Variants in RTN2 observed in about 807,000 individuals in gnomAD.
The protein encoded by RTN2 is reticulon-2.
Under a neutral mutation model 63.7 loss-of-function variants are expected in RTN2, and 36 were observed. That is an observed-to-expected ratio of 0.56 (90% CI 0.43 to 0.75). The LOEUF is 0.75. RTN2 is among the 30% of genes least tolerant of loss of function. The pLI is 0.00. For synonymous variants in RTN2, 312 were observed against 313.0 expected, an observed-to-expected ratio of 1.00 and a Z score of 0.03; for missense variants, 673 against 705.1, an observed-to-expected ratio of 0.95 and a Z score of 0.52.
Position 45,494,277 on chromosome 19 carries a change from A to C in RTN2, c.703T>G (p.Leu235Val), listed in dbSNP as rs1968222747. The change falls in exon 4 of 11, where the codon TTG becomes GTG. Residue 235 changes from leucine to valine, a missense_variant. Transcript: ENST00000245923. The surrounding 1 kb of genome is among the most constrained non-coding windows in gnomAD (Gnocchi z 5.3). Reference protein sequence around the residue: ...RDSNSGPEEPLLEEEEKQWGP... With the variant: ...RDSNSGPEEPVLEEEEKQWGP... ...CACTGCTTTTCTTCCTCTTCCAGCA[A>C]TGGCTCTTCGGGCCCAGAGTTCGAA... is the stretch of plus-strand genomic sequence containing the variant. 6.2e-7 allele frequency: 1 copy of C among 1,613,704 alleles called. No homozygotes were observed. Among genetic ancestry groups the C allele is most frequent in the African/African-American group, 1.3e-5 (1 of 74,842 alleles).
chr19:45,496,761 C>G (rs1968280924), intron 1 of RTN2, 31 bp downstream of exon 1: 2 of 1,466,328 alleles, frequency 1.4e-6, no homozygotes, highest in Non-Finnish European at 1.8e-6. Context: ...CCTCTGGGGC[C>G]CACACCAGGC....
At chr19:45,496,563 C>A (rs1968274555) in intron 1 of RTN2, 2 of 370,588 alleles carry the variant, frequency 5.4e-6, no homozygotes, top group Non-Finnish European at 9.6e-6. Flanking sequence ...CAGCGCGCCC[C>A]CCGCCTGCTG....
chr19:45,486,015 C>G (rs773726564), intron 10 of RTN2, 40 bp downstream of exon 10: 2 of 1,597,236 alleles, frequency 1.3e-6, no homozygotes, highest in South Asian at 1.1e-5. Context: ...CCAAGCTCCC[C>G]CACTTCCCCC....
Position 45,489,540 on chromosome 19 carries a change from C to G in RTN2, c.1047G>C (p.Leu349=). Residue 349 remains leucine, a synonymous_variant, in exon 6 of 11, where the codon CTG becomes CTC. Coordinates refer to ENST00000245923, the MANE Select transcript of RTN2 (RefSeq NM_005619.5). ...ADMGSKVADL[L]YWKDTRTSGV... ...CTGACGTCCTCGTGTCCTTCCAGTA[C>G]AGCAGGTCCGCCACTGTGGAGGGGT... The G allele has an allele frequency of 1.2e-6, 2 of 1,600,710 alleles. No individual in the cohort carries two copies. The highest frequency in any genetic ancestry group is 1.1e-5 in the South Asian group (1 of 88,616).
At chr19:45,493,068 A>G (rs1195789140) in intron 5 of RTN2, 92 bp downstream of exon 5, 9 of 1,249,580 alleles carry the variant, frequency 7.2e-6, no homozygotes, top group African/African-American at 1.5e-5. Context: ...CAGATCAGTA[A>G]TAAAAATGCT....
intron 9 of RTN2, among the ~76,000 whole-genome samples, chr19:45,486,728 C>CT (rs1968029646): frequency 2.6e-5 from 3 of 115,362 alleles, no homozygotes; most frequent in South Asian, 3.0e-4. Flanking sequence ...TTTTCTTTTT[C>CT]TTTCTTTCTT....
intron 5 of RTN2, among the ~76,000 whole-genome samples, chr19:45,490,857 G>A (rs1300756719): frequency 3.3e-5 from 5 of 150,590 alleles, no homozygotes; most frequent in Non-Finnish European, 5.9e-5. Flanking sequence ...GATTACAAGC[G>A]TGAGACACCA....
At chr19:45,487,552 T>G (rs901233574) in intron 9 of RTN2, among the ~76,000 whole-genome samples, 1 of 151,596 alleles carries the variant, frequency 6.6e-6, no homozygotes, top group South Asian at 2.1e-4. Context: ...ACTCTTGATT[T>G]TATTTTTATG....
Position 45,496,537 on chromosome 19 carries a change from G to A in RTN2, c.34+255C>T, listed in dbSNP as rs1968273334. 4 of 355,056 alleles carry A rather than the reference G, an allele frequency of 1.1e-5. 1 individual carries two copies. In the East Asian group the frequency reaches 1.2e-4, roughly 11 times the overall value. The allele number at this position is 355,056 out of a possible 1,614,324, so 22.0% of individuals were successfully genotyped here. On this transcript the variant is annotated intron_variant, in intron 1 of 10. Coordinates refer to ENST00000245923, the MANE Select transcript of RTN2 (RefSeq NM_005619.5). ...TCCTCGCTCCCGGGCGGGGCCGGGCGGTACGTCCCAGAGCGCAGCGCGCCC... is the reference window on the plus strand; with the variant it reads ...TCCTCGCTCCCGGGCGGGGCCGGGCAGTACGTCCCAGAGCGCAGCGCGCCC...
In RTN2 at chr19:45,496,864, C is replaced by A. The variant is rs1365334547; in HGVS notation, c.-39G>T. 1.4e-6 allele frequency: 2 copies of A among 1,389,610 alleles called. No individual in the cohort carries two copies. The highest frequency in any genetic ancestry group is 1.5e-5 in the African/African-American group (1 of 67,800). 86.1% of individuals were successfully genotyped at this position (1,389,610 alleles called of 1,614,324 possible). A position where few individuals can be genotyped will look rare whatever the true frequency, so the allele number is the denominator to read the frequency against. Reference sequence around the variant, plus strand: ...CCTGCATCGGGACCCCCGCCCACTCCGGCTGTGCCGCCCTGGGCCCGGGGT... The same window carrying A: ...CCTGCATCGGGACCCCCGCCCACTCAGGCTGTGCCGCCCTGGGCCCGGGGT... On this transcript the variant is annotated 5_prime_UTR_variant, in exon 1 of 11. Coordinates refer to ENST00000245923, the MANE Select transcript of RTN2 (RefSeq NM_005619.5).
In RTN2 at chr19:45,493,310, A is replaced by G. The variant is rs1358904993; in HGVS notation, c.883T>C (p.Leu295=). The G allele has an allele frequency of 1.9e-6, 3 of 1,611,662 alleles. No homozygotes were observed. Among genetic ancestry groups the G allele is most frequent in the Admixed American group, 3.4e-5 (2 of 58,806 alleles). The stretch of plus-strand genomic sequence containing the variant: ...ATGGCTGTCCACAGAGGTGGGGACA[A>G]TTCCAAAATTGGAACCGTCTTGTAA... ...AVYKTVPILE[L]SPPLWTAIGW... Residue 295 remains leucine (L), a synonymous_variant, in exon 5 of 11, where the codon TTG becomes CTG. Coordinates refer to ENST00000245923, the MANE Select transcript of RTN2 (RefSeq NM_005619.5).
chr19:45,494,638 C>A lies in RTN2; in HGVS notation c.447G>T (p.Trp149Cys). The stretch of plus-strand genomic sequence containing the variant: ...CCCCGGATCCCGTTCCCCGGGCCAC[C>A]CAGCCCAGATGGTCCAACCGAAGCC... ...DLRLRLDHLG[W>C]VARGTGSGED... Residue 149 changes from tryptophan to cysteine, a missense_variant, in exon 3 of 11, where the codon TGG (tryptophan) becomes TGT (cysteine). Coordinates refer to ENST00000245923, the MANE Select transcript of RTN2 (RefSeq NM_005619.5). The surrounding 1 kb of genome is among the most constrained non-coding windows in gnomAD (Gnocchi z 5.3). 1 of 1,613,938 alleles carries A rather than the reference C, an allele frequency of 6.2e-7. No homozygotes were observed. The highest frequency in any genetic ancestry group is 1.1e-5 in the South Asian group (1 of 91,086).
intron 9 of RTN2, among the ~76,000 whole-genome samples, chr19:45,487,279 A>G (rs908917871): frequency 3.4e-4 from 52 of 152,016 alleles, no homozygotes; most frequent in South Asian, 1.9e-3. Flanking sequence ...TTCTGGCCTC[A>G]AGCAATTCTC....
Position 45,495,141 on chromosome 19 carries a change from T to C in RTN2, c.35-2A>G. 1 of 1,614,056 alleles carries C rather than the reference T, an allele frequency of 6.2e-7. No individual in the cohort carries two copies. Among genetic ancestry groups the C allele is most frequent in the Non-Finnish European group, 8.5e-7 (1 of 1,180,000 alleles). ...AGGAGGCTGTAGACGGAGCTTCTTC[T>C]GCGAGAGGGAAAGAATCGAAGACTC... On this transcript the variant is annotated splice_acceptor_variant, in intron 1 of 10. Coordinates refer to ENST00000245923, the MANE Select transcript of RTN2 (RefSeq NM_005619.5). LOFTEE classifies it high-confidence loss of function.
rs779847369 is a variant in RTN2 at position 45,485,809 on chromosome 19, G to C, written c.1557-20C>G. ...CGGATCCTGAAGGAGAAACAGGTGGGATCACGAGGTGGGGCAAGAGACGCG... is the reference window on the plus strand; with the variant it reads ...CGGATCCTGAAGGAGAAACAGGTGGCATCACGAGGTGGGGCAAGAGACGCG... On this transcript the variant is annotated intron_variant, in intron 10 of 10. Coordinates refer to ENST00000245923, the MANE Select transcript of RTN2 (RefSeq NM_005619.5). The C allele has an allele frequency of 4.4e-6, 7 of 1,601,350 alleles. No individual in the cohort carries two copies. The highest frequency in any genetic ancestry group is 6.0e-6 in the Non-Finnish European group (7 of 1,168,600).
intron 5 of RTN2, 35 bp from the exon 6 acceptor site, chr19:45,489,588 T>G: frequency 6.7e-7 from 1 of 1,497,868 alleles, no homozygotes; most frequent in Non-Finnish European, 9.1e-7. Context: ...GGCTTGTACC[T>G]GACCTGGCTG....
chr19:45,487,902 C>T (rs145561772), intron 9 of RTN2, among the ~76,000 whole-genome samples: 2,229 of 147,242 alleles, frequency 0.015, 53 homozygotes, highest in African/African-American at 0.053. Context: ...AAGATCGTGC[C>T]ACTGCACTCC....
At chr19:45,488,440 G>T (rs774658864) in intron 9 of RTN2, 31 bp downstream of exon 9, 17 of 1,607,632 alleles carry the variant, frequency 1.1e-5, no homozygotes, top group Non-Finnish European at 1.4e-5. Context: ...TGTTTAGCTG[G>T]GGTGCTGACA....
Position 45,488,893 on chromosome 19 carries a change from C to A in RTN2, c.1335G>T (p.Gln445His). 6.2e-7 allele frequency: 1 copy of A among 1,606,662 alleles called. No homozygotes were observed. Among genetic ancestry groups the A allele is most frequent in the Non-Finnish European group, 8.5e-7 (1 of 1,177,184 alleles). ...CTTCTACCAGGAAGAAGTGCCGCAG[C>A]TGCGTGGCCGCCGAGACCACGCGGG... ...ITSRVVSAAT[Q>H]LRHFFLVEDL... is the part of the protein sequence containing the mutation. The change falls in exon 7 of 11, where the codon CAG (glutamine) becomes CAT (histidine). Residue 445 changes from glutamine to histidine, a missense_variant. Gln to His is a conservative substitution (Grantham distance 24, BLOSUM62 0). Coordinates refer to ENST00000245923, the MANE Select transcript of RTN2 (RefSeq NM_005619.5).
Sources: gnomAD v4.1 joint callset for allele counts (sites outside exome capture counted in the v4.1 genomes callset) on GRCh38, gnomAD v4.1.1 for gene constraint, Gnocchi (gnomAD v3.1) non-coding constraint, MANE v1.5 for transcripts, NCBI Gene and HGNC (gene_info 2026-07-23, HGNC 2026-07-21) for gene names.